PLCB1: variants seen among roughly 807,000 people sequenced by gnomAD.
The protein encoded by PLCB1 is 1-phosphatidylinositol 4,5-bisphosphate phosphodiesterase beta-1.
In PLCB1, 46 loss-of-function variants were observed where a neutral mutation model predicts 161.8. That is an observed-to-expected ratio of 0.28 (90% CI 0.22 to 0.36). The LOEUF (loss-of-function observed/expected upper bound fraction) is 0.36. Among genes scored for constraint, PLCB1 ranks in the 10% least tolerant of loss-of-function variants. PLCB1 has a pLI of 1.00. For synonymous variants in PLCB1, 517 were observed against 503.7 expected (o/e 1.03, Z -0.35); for missense variants, 1,016 against 1,472.5 (o/e 0.69, Z 5.07).
At chr20:8,780,061 A>T (rs906731445) in intron 27 of PLCB1, among the ~76,000 whole-genome samples, 7 of 152,224 alleles carry the variant, frequency 4.6e-5, no homozygotes, top group African/African-American at 1.7e-4. Flanking sequence ...TGCTCCAGAG[A>T]AGAACTACAG....
chr20:8,791,413 T>C (rs1983753266), intron 31 of PLCB1, among the ~76,000 whole-genome samples: 1 of 152,176 alleles, frequency 6.6e-6, no homozygotes, highest in Non-Finnish European at 1.5e-5. Context: ...AATGCTCAAA[T>C]TATTTAGAGC....
intron 31 of PLCB1, among the ~76,000 whole-genome samples, chr20:8,877,024 C>A (rs1293004639): frequency 6.6e-6 from 1 of 151,074 alleles, no homozygotes; most frequent in Non-Finnish European, 1.5e-5. Flanking sequence ...AGTCACACCA[C>A]AAAGGTTATG....
chr20:8,188,710 T>TAAAAA (rs1424312707), intron 2 of PLCB1, among the ~76,000 whole-genome samples: 2 of 152,152 alleles, frequency 1.3e-5, no homozygotes, highest in Non-Finnish European at 2.9e-5. Flanking sequence ...AAGAGTGAAG[T>TAAAAA]GTATTGCGAC....
At chr20:8,189,683 A>G (rs901912323) in intron 2 of PLCB1, among the ~76,000 whole-genome samples, 2 of 152,098 alleles carry the variant, frequency 1.3e-5, no homozygotes, top group African/African-American at 4.8e-5. Context: ...GTCTTAAGAA[A>G]CGTGCATATG....
intron 27 of PLCB1, among the ~76,000 whole-genome samples, chr20:8,786,273 G>T (rs1383060816): frequency 6.6e-6 from 1 of 152,134 alleles, no homozygotes; most frequent in African/African-American, 2.4e-5. Flanking sequence ...CAGAGTCTTT[G>T]CACACTGGAA....
chr20:8,753,121 C>T (rs1981568998), intron 23 of PLCB1, among the ~76,000 whole-genome samples: 1 of 151,882 alleles, frequency 6.6e-6, no homozygotes, highest in Non-Finnish European at 1.5e-5. Flanking sequence ...GCATGATGAC[C>T]TGTTACTGTT....
intron 3 of PLCB1, among the ~76,000 whole-genome samples, chr20:8,417,482 T>C (rs1979355391): frequency 6.6e-6 from 1 of 151,886 alleles, no homozygotes; most frequent in South Asian, 2.1e-4. Flanking sequence ...AAAAACAGTG[T>C]CATTGATTTA....
chr20:8,715,304 A>T (rs377082932), intron 12 of PLCB1, among the ~76,000 whole-genome samples: 1 of 152,220 alleles, frequency 6.6e-6, no homozygotes, highest in Non-Finnish European at 1.5e-5. Flanking sequence ...GTTCCCCTAT[A>T]TCAGCTGTGT....
chr20:8,462,720 G>T (rs1006812036), intron 3 of PLCB1, among the ~76,000 whole-genome samples: 5 of 152,032 alleles, frequency 3.3e-5, no homozygotes, highest in African/African-American at 1.2e-4. Flanking sequence ...GTATTTCTGA[G>T]TTTCTATGGA....
chr20:8,533,856 C>T (rs929351275), intron 3 of PLCB1, among the ~76,000 whole-genome samples: 2 of 152,088 alleles, frequency 1.3e-5, no homozygotes, highest in Non-Finnish European at 2.9e-5. Context: ...TGTGCAGAAG[C>T]TCTTTAGTTT....
At chr20:8,266,129 G>C (rs1364079759) in intron 2 of PLCB1, among the ~76,000 whole-genome samples, 1 of 152,134 alleles carries the variant, frequency 6.6e-6, no homozygotes, top group Non-Finnish European at 1.5e-5. Context: ...ATTAACCATT[G>C]CTACAATAAT....
chr20:8,355,020 T>A (rs1986317394), intron 2 of PLCB1, among the ~76,000 whole-genome samples: 1 of 152,198 alleles, frequency 6.6e-6, no homozygotes, highest in Non-Finnish European at 1.5e-5. Context: ...GTATCTGGCG[T>A]ATTAGAGTCT....
At chr20:8,748,472 A>G (rs6039249) in intron 23 of PLCB1, among the ~76,000 whole-genome samples, 38,756 of 152,188 alleles carry the variant, frequency 0.25, 5,372 homozygotes, top group Non-Finnish European at 0.32. Context: ...TTTTACGAAT[A>G]TCCTCCATAA....
intron 3 of PLCB1, among the ~76,000 whole-genome samples, chr20:8,512,741 G>A (rs1217063764): frequency 6.6e-6 from 1 of 152,032 alleles, no homozygotes; most frequent in African/African-American, 2.4e-5. Context: ...TATACATTGT[G>A]GAAGGAGTAA....
rs1405093697 is a variant in PLCB1, at chr20:8,774,512, TG to T, written c.2931-26del. The T allele has an allele frequency of 2.6e-6, 4 of 1,567,122 alleles. No individual in the cohort carries two copies. The East Asian group carries it at 9.0e-5, about 35-fold the overall frequency. On this transcript the variant is annotated intron_variant, in intron 26 of 31. Transcript: ENST00000338037. ...CCACCTTGTTATGGCCTGTCTGTTT[TG>T]TGAGTCAAACTCTGTGTCTTTGCAG...
chr20:8,237,957 G>A (rs1174141927), intron 2 of PLCB1, among the ~76,000 whole-genome samples: 1 of 152,046 alleles, frequency 6.6e-6, no homozygotes, highest in East Asian at 1.9e-4. Context: ...GTTAAAGATG[G>A]CCTTTGAAAG....
In PLCB1 at chr20:8,379,463, A is replaced by T. The variant is rs151018709; in HGVS notation, c.246+8013A>T. Among the ~76,000 whole-genome samples the T allele has an allele frequency of 7.2e-4, 109 of 152,276 alleles. 1 individual carries two copies. The highest frequency in any genetic ancestry group is 2.5e-3 in the African/African-American group (103 of 41,552). On this transcript the variant is annotated intron_variant, in intron 3 of 31. Coordinates refer to ENST00000338037, the MANE Select transcript of PLCB1 (RefSeq NM_015192.4). ...ATGACTTATATTCCTCTGGCTGTAT[A>T]CCCAGTAATGGAATTGCTGGGTCAA...
chr20:8,539,630 T>TTCTTTCCC (rs1443417959), intron 3 of PLCB1, among the ~76,000 whole-genome samples: 10 of 62,952 alleles, frequency 1.6e-4, no homozygotes, highest in African/African-American at 8.5e-4. Flanking sequence ...CTTTCTTTCT[T>TTCTTTCCC]TCTTTCTTTC....
chr20:8,537,378 T>C (rs1361223180), intron 3 of PLCB1, among the ~76,000 whole-genome samples: 5 of 152,162 alleles, frequency 3.3e-5, no homozygotes, highest in Admixed American at 6.5e-5. Context: ...TGCCTCTTAA[T>C]GTACATGTGT....
Sources: allele counts gnomAD v4.1 joint callset (sites outside exome capture counted in the v4.1 genomes callset), GRCh38; gene constraint gnomAD v4.1.1; transcripts MANE v1.5; gene names NCBI Gene and HGNC (gene_info 2026-07-23, HGNC 2026-07-21).